STXBP6: variants seen among roughly 807,000 people sequenced by gnomAD.
STXBP6 encodes syntaxin-binding protein 6.
STXBP6 carries 21 observed loss-of-function variants against 26.9 expected under a neutral mutation model. The observed-to-expected ratio is 0.78, with a 90% CI of 0.55 to 1.12. STXBP6 has a LOEUF of 1.12. Among genes scored for constraint, STXBP6 ranks in the 50% most tolerant of loss-of-function variants. The pLI is 0.00. For missense variants in STXBP6, 232 were observed against 257.9 expected, an observed-to-expected ratio of 0.90 and a Z score of 0.69; for synonymous variants, 97 against 92.6, an observed-to-expected ratio of 1.05 and a Z score of -0.27.
intron 2 of STXBP6, among the ~76,000 whole-genome samples, chr14:24,973,416 C>T (rs1343082765): frequency 1.6e-5 from 2 of 125,180 alleles, no homozygotes; most frequent in Non-Finnish European, 3.2e-5. Context: ...GACAGAGTCT[C>T]ACTCTGTCAG....
At chr14:24,851,238 T>TG (rs1274710548) in intron 4 of STXBP6, among the ~76,000 whole-genome samples, 7 of 7,648 alleles carry the variant, frequency 9.2e-4, no homozygotes, top group Non-Finnish European at 1.6e-3. Flanking sequence ...AGACCACGTC[T>TG]CTTTTTTTTT....
intron 1 of STXBP6, among the ~76,000 whole-genome samples, chr14:25,047,162 G>C (rs2075740231): frequency 6.6e-6 from 1 of 152,156 alleles, no homozygotes; most frequent in African/African-American, 2.4e-5. Context: ...ACAAATGTCT[G>C]AGGTTTCTCC....
chr14:24,965,124 T>C (rs1163278492), intron 2 of STXBP6, among the ~76,000 whole-genome samples: 1 of 152,078 alleles, frequency 6.6e-6, no homozygotes, highest in East Asian at 1.9e-4. Context: ...GAGAGTAGAC[T>C]GGTTTAAAAA....
chr14:24,895,754 C>T (rs1354245123), intron 2 of STXBP6, among the ~76,000 whole-genome samples: 1 of 152,226 alleles, frequency 6.6e-6, no homozygotes, highest in African/African-American at 2.4e-5. Flanking sequence ...CTGCAGGCAG[C>T]TCACCTGGGC....
At chr14:24,962,365 T>G (rs1378804222) in intron 2 of STXBP6, among the ~76,000 whole-genome samples, 1 of 151,638 alleles carries the variant, frequency 6.6e-6, no homozygotes, top group Non-Finnish European at 1.5e-5. Flanking sequence ...AGTCTCACTC[T>G]GTCACCCAGC....
intron 2 of STXBP6, among the ~76,000 whole-genome samples, chr14:24,870,226 C>G (rs1566429118): frequency 6.6e-6 from 1 of 152,076 alleles, no homozygotes; most frequent in Admixed American, 6.6e-5. Context: ...GGAAGGTAAC[C>G]TATATTAGGT....
chr14:24,941,208 A>G (rs1199997003), intron 2 of STXBP6, among the ~76,000 whole-genome samples: 1 of 152,218 alleles, frequency 6.6e-6, no homozygotes, highest in Non-Finnish European at 1.5e-5. Flanking sequence ...GCTAGATACC[A>G]TATTCACAAA....
chr14:25,018,169 T>C (rs1220763278), intron 1 of STXBP6, among the ~76,000 whole-genome samples: 1 of 152,144 alleles, frequency 6.6e-6, no homozygotes, highest in African/African-American at 2.4e-5. Context: ...CCAGTGTGCA[T>C]AAATAGGACT....
At chr14:24,943,528 T>A (rs2072876562) in intron 2 of STXBP6, among the ~76,000 whole-genome samples, 1 of 152,248 alleles carries the variant, frequency 6.6e-6, no homozygotes, top group Non-Finnish European at 1.5e-5. Flanking sequence ...ATTTTTCAGT[T>A]TTATGTTCCT....
At chr14:25,043,569 G>A (rs11627702) in intron 1 of STXBP6, among the ~76,000 whole-genome samples, 47,228 of 151,826 alleles carry the variant, frequency 0.31, 7,438 homozygotes, top group African/African-American at 0.32. Flanking sequence ...CATCACCCCA[G>A]AAAGAAACCT....
At chr14:24,896,299 T>C (rs12889256) in intron 2 of STXBP6, among the ~76,000 whole-genome samples, 51,034 of 151,714 alleles carry the variant, frequency 0.34, 8,634 homozygotes, top group African/African-American at 0.41. Flanking sequence ...TTTGCTCTAC[T>C]AAGAAACATA....
rs182136698 is a variant in STXBP6 at position 24,906,368 on chromosome 14, G to A, written c.155-49211C>T. 3.6e-3 allele frequency among the ~76,000 whole-genome samples: 554 copies of A among 152,124 alleles called. 4 individuals carry two copies. The highest frequency in any genetic ancestry group is 0.012 in the African/African-American group (505 of 41,508). On this transcript the variant is annotated intron_variant, in intron 2 of 5. Coordinates refer to ENST00000323944, the MANE Select transcript of STXBP6 (RefSeq NM_001394410.1). ...TGCATTTTACTTAAGTCTTTTATAC[G>A]AGGCCATTTTAATAATTTTTTATAT...
At chr14:25,040,319 AAAGGCAT>A (rs2075622993) in intron 1 of STXBP6, among the ~76,000 whole-genome samples, 1 of 152,228 alleles carries the variant, frequency 6.6e-6, no homozygotes, top group Non-Finnish European at 1.5e-5. Context: ...TTGAAGGTAG[AAAGGCAT>A]GTCTGCTCTC....
chr14:24,951,797 G>C (rs2073178708), intron 2 of STXBP6, among the ~76,000 whole-genome samples: 1 of 151,974 alleles, frequency 6.6e-6, no homozygotes, highest in Admixed American at 6.6e-5. Context: ...GTTCTTTGCT[G>C]TATTTTCACT....
At chr14:24,842,729 C>T (rs910349201) in intron 4 of STXBP6, among the ~76,000 whole-genome samples, 3 of 151,876 alleles carry the variant, frequency 2.0e-5, no homozygotes, top group Non-Finnish European at 2.9e-5. Context: ...TTCTTATTTA[C>T]TCACTACCTG....
Position 24,976,852 on chromosome 14 carries a change from CTTTTTTTTTTT to C in STXBP6, c.-32-2013_-32-2003del, listed in dbSNP as rs71121808. ...CAAAGTCCTGAGCTGACTGGGCGCT[CTTTTTTTTTTT>C]TTTTTTTTTTTTTTTTTGAGGCAGA... On this transcript the variant is annotated intron_variant, in intron 1 of 5. Transcript: ENST00000323944. Among the ~76,000 whole-genome samples, 96 of 45,278 alleles carry C rather than the reference CTTTTTTTTTTT, an allele frequency of 2.1e-3. 1 individual carries two copies. The highest frequency in any genetic ancestry group is 8.1e-3 in the African/African-American group (72 of 8,900). The allele number at this position is 45,278 out of a possible 152,430, so 29.7% of individuals were successfully genotyped here.
chr14:24,928,392 G>T (rs200644422), intron 2 of STXBP6, among the ~76,000 whole-genome samples: 3 of 150,378 alleles, frequency 2.0e-5, no homozygotes, highest in South Asian at 2.1e-4. Context: ...CTTTTTTTTT[G>T]TTTTTTTCCT....
chr14:24,964,769 C>T (rs954861691), intron 2 of STXBP6, among the ~76,000 whole-genome samples: 1 of 151,766 alleles, frequency 6.6e-6, no homozygotes, highest in Non-Finnish European at 1.5e-5. Context: ...TTTGTATCAG[C>T]CTCTCCCACT....
intron 1 of STXBP6, among the ~76,000 whole-genome samples, chr14:24,978,900 A>C (rs1470321383): frequency 6.6e-6 from 1 of 152,212 alleles, no homozygotes; most frequent in Non-Finnish European, 1.5e-5. Context: ...GCATAAGCAA[A>C]GGGGAACAGG....
Sources: gnomAD v4.1 joint callset for allele counts (sites outside exome capture counted in the v4.1 genomes callset) on GRCh38, gnomAD v4.1.1 for gene constraint, MANE v1.5 for transcripts, NCBI Gene and HGNC (gene_info 2026-07-23, HGNC 2026-07-21) for gene names.